Variants in DEAF1 observed in about 807,000 individuals in gnomAD.
DEAF1 encodes the protein DEAF1 transcription factor.
Under a neutral mutation model 58.9 loss-of-function variants are expected in DEAF1, and 53 were observed. The observed-to-expected ratio is 0.90, with a 90% CI of 0.72 to 1.13. The LOEUF (loss-of-function observed/expected upper bound fraction) is 1.13, where lower values mean the gene tolerates loss of function less well. DEAF1 is among the 50% of genes most tolerant of loss of function. The pLI is 0.00. For missense variants in DEAF1, 685 were observed against 791.4 expected, an observed-to-expected ratio of 0.87 and a Z score of 1.61; for synonymous variants, 385 against 340.4, an observed-to-expected ratio of 1.13 and a Z score of -1.44.
chr11:652,098 C>G (rs1858800869), intron 11 of DEAF1, among the ~76,000 whole-genome samples: 1 of 152,144 alleles, frequency 6.6e-6, no homozygotes. Context: ...ACGCTAGGCC[C>G]TAACACAAAT....
intron 10 of DEAF1, among the ~76,000 whole-genome samples, chr11:666,918 G>A (rs1859562135): frequency 6.7e-6 from 1 of 148,962 alleles, no homozygotes; most frequent in Non-Finnish European, 1.5e-5. Flanking sequence ...AATAGTTATA[G>A]CCAGGAGCAG....
chr11:696,133 G>A (rs537495307), upstream of DEAF1, among the ~76,000 whole-genome samples: 12 of 152,184 alleles, frequency 7.9e-5, no homozygotes, highest in Non-Finnish European at 1.5e-5. Flanking sequence ...TGTCCCGCGC[G>A]TGGTTTTTGT....
chr11:704,274 C>T (rs1861626304), intron 1 of DEAF1: 1 of 729,288 alleles, frequency 1.4e-6, no homozygotes, highest in African/African-American at 1.9e-5. Context: ...CGGTGGACTC[C>T]TGAGGGCAGG....
intron 7 of DEAF1, 186 bp from the exon 8 acceptor site, chr11:680,002 A>AAGCAGGATG: frequency 7.3e-6 from 5 of 686,896 alleles, no homozygotes; most frequent in East Asian, 2.8e-5. Flanking sequence ...CACAGGAGAA[A>AAGCAGGATG]ACCAGGATGG....
intron 5 of DEAF1, among the ~76,000 whole-genome samples, chr11:685,511 A>G (rs1251458876): frequency 6.6e-6 from 1 of 151,888 alleles, no homozygotes; most frequent in Non-Finnish European, 1.5e-5. Context: ...CCTGGCCAAC[A>G]TGGTGAAACC....
chr11:669,814 C>T (rs1262569307), intron 10 of DEAF1, among the ~76,000 whole-genome samples: 1 of 151,138 alleles, frequency 6.6e-6, no homozygotes, highest in Non-Finnish European at 1.5e-5. Flanking sequence ...CCTGTAATCC[C>T]AGCTATTCGG....
upstream of DEAF1, chr11:695,226 C>G (rs1264862409): frequency 1.8e-6 from 1 of 564,752 alleles, no homozygotes; most frequent in African/African-American, 2.0e-5. Context: ...CGAGTCCGCC[C>G]GCGGAGCGGA....
rs776049891 is a variant in DEAF1 at position 644,637 on chromosome 11, C to G, written c.1611G>C (p.Gln537His). Residue 537 changes from glutamine to histidine, a missense_variant, in exon 12 of 12, where the codon CAG (glutamine) becomes CAC (histidine). By Grantham distance (24) the Gln-to-His change is conservative. Around this residue, in one of 3 missense-constraint regions of DEAF1, gnomAD observed 343 missense variants for 379.8 expected, o/e 0.90. Coordinates refer to ENST00000382409, the MANE Select transcript of DEAF1 (RefSeq NM_021008.4). The surrounding 1 kb of genome is among the most constrained non-coding windows in gnomAD (Gnocchi z 4.3). ...CAGCTGCTGACTGGCCGCATATGTG[C>G]TGGTGATCCTTCCAGTCCTGGAAGG... The part of the protein sequence containing the change: ...FCQRKDWKDH[Q>H]HICGQSAAVT... 9 of 1,611,606 alleles carry G rather than the reference C, an allele frequency of 5.6e-6. No individual in the cohort carries two copies. The highest frequency in any genetic ancestry group is 7.6e-6 in the Non-Finnish European group (9 of 1,179,572).
At chr11:674,421 A>C in intron 10 of DEAF1, 115 bp downstream of exon 10, 1 of 1,401,296 alleles carries the variant, frequency 7.1e-7, no homozygotes. Flanking sequence ...TTTTCCAGAA[A>C]GGTGGGGCAG....
At chr11:660,318 G>A (rs1393752225) in intron 10 of DEAF1, among the ~76,000 whole-genome samples, 1 of 152,220 alleles carries the variant, frequency 6.6e-6, no homozygotes, top group Non-Finnish European at 1.5e-5. Flanking sequence ...AGATCTCTGA[G>A]GAAGCATCAG....
At chr11:658,611 G>A (rs1033370326) in intron 10 of DEAF1, among the ~76,000 whole-genome samples, 11 of 152,266 alleles carry the variant, frequency 7.2e-5, no homozygotes, top group African/African-American at 2.7e-4. Flanking sequence ...GCCCAGGCCT[G>A]CCCAGGCGCC....
At chr11:705,653 C>A (rs957921727) in intron 1 of DEAF1, among the ~76,000 whole-genome samples, 2 of 152,182 alleles carry the variant, frequency 1.3e-5, no homozygotes, top group Non-Finnish European at 2.9e-5. Context: ...GACACCCACC[C>A]ACTCACCGAA....
At chr11:654,597 G>A (rs1218292668) in intron 10 of DEAF1, 4 of 455,292 alleles carry the variant, frequency 8.8e-6, no homozygotes, top group East Asian at 7.0e-5. Context: ...AGTATGGGCC[G>A]GGAGCAGCGG....
At chr11:695,511 G>T, upstream of DEAF1, 1 of 974,494 alleles carries the variant, frequency 1.0e-6, no homozygotes, top group Admixed American at 4.3e-5. Context: ...GCCTCTCAGA[G>T]AGAGCTTAGT....
intron 6 of DEAF1, among the ~76,000 whole-genome samples, chr11:684,389 G>A (rs1028412522): frequency 2.0e-5 from 3 of 151,920 alleles, no homozygotes; most frequent in Non-Finnish European, 4.4e-5. Flanking sequence ...CTGCACCCCA[G>A]TGTGGGCGAC....
chr11:655,541 A>AGGT (rs33919833), intron 10 of DEAF1, among the ~76,000 whole-genome samples: 8 of 151,948 alleles, frequency 5.3e-5, no homozygotes, highest in African/African-American at 7.2e-5. Context: ...GATCATCCGC[A>AGGT]GCTGCGGGAG....
chr11:688,967 C>A lies in DEAF1; in HGVS notation c.388-507G>T, dbSNP rs1346609831. Among the ~76,000 whole-genome samples the A allele has an allele frequency of 6.6e-6, 1 of 152,150 alleles. No homozygotes were observed. Among genetic ancestry groups the A allele is most frequent in the Non-Finnish European group, 1.5e-5 (1 of 68,038 alleles). On this transcript the variant is annotated intron_variant, in intron 2 of 11. Transcript: ENST00000382409. The surrounding 1 kb of genome is among the most constrained non-coding windows in gnomAD (Gnocchi z 4.3). ...CAGCCTTCAGGCGGCACAGACCCCG[C>A]CACAGGAAGCCAGAGTCTCCATGCC... is the stretch of plus-strand genomic sequence containing the variant.
At chr11:661,281 A>G (rs974212211) in intron 10 of DEAF1, among the ~76,000 whole-genome samples, 7 of 152,216 alleles carry the variant, frequency 4.6e-5, no homozygotes, top group African/African-American at 1.7e-4. Context: ...AGCCAAGGGC[A>G]TCTGCTTTTC....
At chr11:665,173 C>A (rs377397026) in intron 10 of DEAF1, among the ~76,000 whole-genome samples, 1 of 61,510 alleles carries the variant, frequency 1.6e-5, no homozygotes. Flanking sequence ...CTATTCACAC[C>A]GAGAGGAGAA....
Sources: allele counts gnomAD v4.1 joint callset (sites outside exome capture counted in the v4.1 genomes callset), GRCh38; gene constraint gnomAD v4.1.1; regional missense constraint gnomAD v4.1.1; non-coding constraint Gnocchi (gnomAD v3.1); transcripts MANE v1.5; gene names NCBI Gene and HGNC (gene_info 2026-07-23, HGNC 2026-07-21).